Variants in BBS9 observed in about 807,000 individuals in gnomAD.
BBS9 encodes Bardet-Biedl syndrome 9.
A neutral mutation model predicts 117.7 loss-of-function variants in BBS9; 89 were observed. The observed-to-expected ratio is 0.76, with a 90% confidence interval of 0.64 to 0.90. The LOEUF is 0.90. Among genes scored for constraint, BBS9 ranks in the 40% least tolerant of loss-of-function variants. BBS9 has a pLI of 0.00. For synonymous variants in BBS9, 379 were observed against 370.9 expected (o/e 1.02, Z -0.25); for missense variants, 982 against 1,042.2 (o/e 0.94, Z 0.80).
intron 9 of BBS9, among the ~76,000 whole-genome samples, chr7:33,283,161 C>T (rs946489942): frequency 2.6e-5 from 4 of 152,054 alleles, no homozygotes; most frequent in South Asian, 2.1e-4. Context: ...TGTGGAAAGC[C>T]GTGTAAGTGT....
chr7:33,135,439 A>G (rs1562649823), intron 1 of BBS9, among the ~76,000 whole-genome samples: 1 of 152,194 alleles, frequency 6.6e-6, no homozygotes, highest in African/African-American at 2.4e-5. Flanking sequence ...CATTTGTTGC[A>G]ATTACTCTTT....
intron 21 of BBS9, among the ~76,000 whole-genome samples, chr7:33,566,785 G>A (rs970027075): frequency 2.0e-5 from 3 of 152,084 alleles, no homozygotes; most frequent in African/African-American, 7.2e-5. Flanking sequence ...AATCACAGAT[G>A]CTAAATTGGC....
chr7:33,323,624 G>A (rs1026707000), intron 9 of BBS9, among the ~76,000 whole-genome samples: 2 of 151,710 alleles, frequency 1.3e-5, no homozygotes, highest in African/African-American at 4.8e-5. Flanking sequence ...TAGTCTATTT[G>A]TGTCTTTATA....
chr7:33,446,314 C>G (rs1836985564), intron 19 of BBS9, among the ~76,000 whole-genome samples: 2 of 152,122 alleles, frequency 1.3e-5, no homozygotes, highest in South Asian at 4.1e-4. Flanking sequence ...AGGTACAATT[C>G]TTAGTCCATA....
At chr7:33,535,315 G>A (rs1176196022) in intron 21 of BBS9, among the ~76,000 whole-genome samples, 1 of 152,102 alleles carries the variant, frequency 6.6e-6, no homozygotes. Flanking sequence ...CACAATGCTT[G>A]GAACAGAGAC....
chr7:33,170,404 C>T (rs1462233773), intron 4 of BBS9, among the ~76,000 whole-genome samples: 1 of 147,754 alleles, frequency 6.8e-6, no homozygotes, highest in Non-Finnish European at 1.5e-5. Context: ...ATTCAACAAC[C>T]CTTCATGCTA....
At chr7:33,167,499 T>A (rs914278278) in intron 4 of BBS9, among the ~76,000 whole-genome samples, 1 of 149,708 alleles carries the variant, frequency 6.7e-6, no homozygotes, top group African/African-American at 2.5e-5. Context: ...GCCTCCCGGG[T>A]TCAAGCGACT....
At chr7:33,303,950 GTC>G (rs1222572673) in intron 9 of BBS9, among the ~76,000 whole-genome samples, 1 of 151,976 alleles carries the variant, frequency 6.6e-6, no homozygotes, top group East Asian at 1.9e-4. Context: ...AGTGAGGAGT[GTC>G]TCTGCCTGGC....
chr7:33,147,160 T>G (rs1032891124), intron 2 of BBS9, among the ~76,000 whole-genome samples: 1 of 152,202 alleles, frequency 6.6e-6, no homozygotes, highest in Admixed American at 6.5e-5. Flanking sequence ...CTTATTCTTA[T>G]GCATCTTCAT....
chr7:33,166,636 C>A (rs1318923191), intron 4 of BBS9, among the ~76,000 whole-genome samples: 1 of 152,248 alleles, frequency 6.6e-6, no homozygotes, highest in African/African-American at 2.4e-5. Context: ...TAGTAGTGAG[C>A]AAGGCTCCAT....
At chr7:33,182,738 C>A (rs1798265651) in intron 5 of BBS9, among the ~76,000 whole-genome samples, 1 of 152,260 alleles carries the variant, frequency 6.6e-6, no homozygotes, top group South Asian at 2.1e-4. Context: ...TATAAATACA[C>A]AGACAAAAGA....
intron 5 of BBS9, among the ~76,000 whole-genome samples, chr7:33,188,433 G>A (rs1266856570): frequency 2.0e-5 from 3 of 152,154 alleles, no homozygotes; most frequent in African/African-American, 4.8e-5. Context: ...AAAGCCCTCA[G>A]TAAGGGACAA....
intron 21 of BBS9, among the ~76,000 whole-genome samples, chr7:33,556,678 C>A (rs1855341221): frequency 6.6e-6 from 1 of 152,142 alleles, no homozygotes. Context: ...GCACTAAATT[C>A]AACTCAAGAT....
At chr7:33,549,141 A>G (rs1035538808) in intron 21 of BBS9, among the ~76,000 whole-genome samples, 7 of 142,620 alleles carry the variant, frequency 4.9e-5, no homozygotes, top group Non-Finnish European at 9.0e-5. Context: ...CAGCTATCTG[A>G]TCTTTGACAA....
chr7:33,254,140 G>A (rs1796653650), intron 5 of BBS9, among the ~76,000 whole-genome samples: 1 of 152,100 alleles, frequency 6.6e-6, no homozygotes, highest in African/African-American at 2.4e-5. Context: ...TTTGATATGT[G>A]TTTTATAGAT....
intron 19 of BBS9, among the ~76,000 whole-genome samples, chr7:33,482,647 A>T (rs1842649636): frequency 6.6e-6 from 1 of 152,188 alleles, no homozygotes; most frequent in Non-Finnish European, 1.5e-5. Context: ...TTAGCCTTAA[A>T]TTTGTCTCCT....
intron 16 of BBS9, among the ~76,000 whole-genome samples, chr7:33,361,137 A>G (rs1820544327): frequency 6.6e-6 from 1 of 152,132 alleles, no homozygotes; most frequent in Non-Finnish European, 1.5e-5. Flanking sequence ...TTTTTGTCAC[A>G]TGGCTTCCTT....
chr7:33,435,308 G>C (rs1259031577), intron 19 of BBS9, among the ~76,000 whole-genome samples: 4 of 152,166 alleles, frequency 2.6e-5, no homozygotes, highest in African/African-American at 9.6e-5. Context: ...CTTTTAAAAT[G>C]TTTACTGGCT....
intron 19 of BBS9, among the ~76,000 whole-genome samples, chr7:33,462,274 GAT>G (rs1839573776): frequency 6.6e-6 from 1 of 151,994 alleles, no homozygotes; most frequent in Non-Finnish European, 1.5e-5. Flanking sequence ...TTGTATCCCA[GAT>G]ATATTTACAT....
Sources: gnomAD v4.1 joint callset for allele counts (sites outside exome capture counted in the v4.1 genomes callset) on GRCh38, gnomAD v4.1.1 for gene constraint, MANE v1.5 for transcripts, NCBI Gene and HGNC (gene_info 2026-07-23, HGNC 2026-07-21) for gene names.